The following TPD52 variants were observed in gnomAD, a reference collection of about 807,000 sequenced individuals.
TPD52 encodes prostate and colon associated protein.
TPD52 carries 17 observed loss-of-function variants against 31.3 expected under a neutral mutation model. The observed-to-expected ratio is 0.54, with a 90% confidence interval of 0.37 to 0.82. The LOEUF (loss-of-function observed/expected upper bound fraction) is 0.82, where lower values mean the gene tolerates loss of function less well. TPD52 is among the 40% of genes least tolerant of loss of function. TPD52 has a pLI of 0.00. For synonymous variants in TPD52, 83 were observed against 89.6 expected, an observed-to-expected ratio of 0.93 and a Z score of 0.42; for missense variants, 212 against 240.1, an observed-to-expected ratio of 0.88 and a Z score of 0.77.
At chr8:80,141,387 T>C (rs1446435077) in intron 1 of TPD52, among the ~76,000 whole-genome samples, 1 of 152,292 alleles carries the variant, frequency 6.6e-6, no homozygotes, top group Non-Finnish European at 1.5e-5. Flanking sequence ...CTCTTTCTCT[T>C]GCATCATTTG....
chr8:80,153,260 G>A (rs1006006385), intron 1 of TPD52, among the ~76,000 whole-genome samples: 23 of 152,214 alleles, frequency 1.5e-4, no homozygotes, highest in African/African-American at 5.5e-4. Flanking sequence ...AGGAACTGAA[G>A]GAAGTTAATG....
chr8:80,114,777 G>A (rs1013686640), intron 1 of TPD52, among the ~76,000 whole-genome samples: 1 of 152,148 alleles, frequency 6.6e-6, no homozygotes, highest in African/African-American at 2.4e-5. Flanking sequence ...CTATCAACGT[G>A]ATGCCTATTG....
chr8:80,136,921 C>T (rs1317012251), intron 1 of TPD52, among the ~76,000 whole-genome samples: 1 of 152,192 alleles, frequency 6.6e-6, no homozygotes, highest in Non-Finnish European at 1.5e-5. Context: ...CAAAATTCTT[C>T]TCCTAGTTCC....
At chr8:80,075,232 C>A (rs1279808486) in intron 1 of TPD52, among the ~76,000 whole-genome samples, 1 of 152,186 alleles carries the variant, frequency 6.6e-6, no homozygotes, top group Non-Finnish European at 1.5e-5. Flanking sequence ...CTGCCTCGGC[C>A]TCCCAAAGTG....
At chr8:80,042,848 G>T in intron 6 of TPD52, 180 bp from the exon 7 acceptor site, 1 of 514,046 alleles carries the variant, frequency 1.9e-6, no homozygotes, top group Non-Finnish European at 3.3e-6. Flanking sequence ...CTCAATTTCT[G>T]ATCTAATATT....
intron 5 of TPD52, among the ~76,000 whole-genome samples, chr8:80,048,779 T>C (rs1192893894): frequency 2.6e-5 from 4 of 152,358 alleles, no homozygotes; most frequent in Non-Finnish European, 5.9e-5. Context: ...CAAAAGATAA[T>C]CTCATTTCTT....
chr8:80,134,567 C>T (rs1809256683), intron 1 of TPD52, among the ~76,000 whole-genome samples: 1 of 152,250 alleles, frequency 6.6e-6, no homozygotes, highest in African/African-American at 2.4e-5. Flanking sequence ...AGGACCATAT[C>T]TGTGCCCACT....
At chr8:80,072,605 G>A (rs1296621448) in intron 1 of TPD52, among the ~76,000 whole-genome samples, 3 of 130,018 alleles carry the variant, frequency 2.3e-5, no homozygotes, top group Non-Finnish European at 4.7e-5. Context: ...ATAGATATGC[G>A]TGTATATACA....
intron 1 of TPD52, among the ~76,000 whole-genome samples, chr8:80,158,138 T>C (rs1811095893): frequency 6.6e-6 from 1 of 152,064 alleles, no homozygotes; most frequent in Admixed American, 6.5e-5. Flanking sequence ...AAATTTCCCT[T>C]TAAAACACCC....
At chr8:80,055,545 A>G (rs1811787860) in intron 2 of TPD52, among the ~76,000 whole-genome samples, 1 of 152,222 alleles carries the variant, frequency 6.6e-6, no homozygotes, top group African/African-American at 2.4e-5. Flanking sequence ...AGGCAACAAA[A>G]ACAAAAATAG....
intron 1 of TPD52, among the ~76,000 whole-genome samples, chr8:80,153,824 A>G (rs1810746510): frequency 2.0e-5 from 3 of 152,394 alleles, no homozygotes; most frequent in South Asian, 4.1e-4. Context: ...AGGGACAAAC[A>G]GGGCATTTGC....
At chr8:80,055,091 T>C (rs2130575267) in intron 2 of TPD52, among the ~76,000 whole-genome samples, 1 of 152,298 alleles carries the variant, frequency 6.6e-6, no homozygotes, top group Middle Eastern at 3.4e-3. Context: ...AGCTTCCCAC[T>C]TCCTCTGTCT....
chr8:80,170,498 GCA>G (rs949577383), intron 1 of TPD52, among the ~76,000 whole-genome samples: 2 of 152,158 alleles, frequency 1.3e-5, no homozygotes, highest in Admixed American at 1.3e-4. Flanking sequence ...ACATAAAAAT[GCA>G]CACATGACGG....
rs1014418246 is a variant in TPD52 at position 80,051,351 on chromosome 8, C to G, written c.386+176G>C. ...CAGATGATCATTTGATGTTAGAATG[C>G]TAGGCCTAGAAGACCTTAGATGAGC... On this transcript the variant is annotated intron_variant, in intron 4 of 7. Coordinates refer to ENST00000518937, the MANE Select transcript of TPD52 (RefSeq NM_001025253.3). 4 of 576,666 alleles carry G rather than the reference C, an allele frequency of 6.9e-6. No individual in the cohort carries two copies. In the African/African-American group the frequency reaches 7.8e-5, roughly 11 times the overall value. 35.7% of individuals were successfully genotyped at this position (576,666 alleles called of 1,614,324 possible).
chr8:80,077,866 C>A (rs1030361205), intron 1 of TPD52, among the ~76,000 whole-genome samples: 1 of 152,178 alleles, frequency 6.6e-6, no homozygotes, highest in African/African-American at 2.4e-5. Flanking sequence ...GATTCTGAAA[C>A]TATTATAAAT....
intron 1 of TPD52, among the ~76,000 whole-genome samples, chr8:80,077,915 A>C (rs1017966179): frequency 2.0e-5 from 3 of 152,264 alleles, no homozygotes; most frequent in Non-Finnish European, 4.4e-5. Flanking sequence ...TCCAGTTAGC[A>C]GAACCAGATG....
intron 1 of TPD52, among the ~76,000 whole-genome samples, chr8:80,147,856 C>CA (rs1563661198): frequency 4.6e-5 from 7 of 151,500 alleles, no homozygotes; most frequent in African/African-American, 1.7e-4. Context: ...ACACACACAC[C>CA]CCCCACACCC....
chr8:80,117,115 T>C (rs1194478076), intron 1 of TPD52, among the ~76,000 whole-genome samples: 1 of 152,172 alleles, frequency 6.6e-6, no homozygotes, highest in Non-Finnish European at 1.5e-5. Flanking sequence ...TCTTATCACT[T>C]CTATTTAACA....
intron 1 of TPD52, among the ~76,000 whole-genome samples, chr8:80,139,631 G>C (rs544905281): frequency 6.6e-6 from 1 of 151,882 alleles, no homozygotes; most frequent in African/African-American, 2.4e-5. Context: ...AGCAATAAAC[G>C]GGGGGTGGGG....
Sources: gnomAD v4.1 joint callset for allele counts (sites outside exome capture counted in the v4.1 genomes callset) on GRCh38, gnomAD v4.1.1 for gene constraint, MANE v1.5 for transcripts, NCBI Gene and HGNC (gene_info 2026-07-23, HGNC 2026-07-21) for gene names.